Variants in CHST11 observed in about 807,000 individuals in gnomAD.
The protein encoded by CHST11 is C4S-1.
Under a neutral mutation model 30.4 loss-of-function variants are expected in CHST11, and 9 were observed. The ratio of observed to expected loss-of-function variants is 0.30; its 90% CI spans 0.18 to 0.52. The LOEUF is 0.52. Ranked by LOEUF, CHST11 falls within the 20% of genes least tolerant of loss-of-function variation. The pLI is 0.97. For missense variants in CHST11, 348 were observed against 460.6 expected, an observed-to-expected ratio of 0.76 and a Z score of 2.24; for synonymous variants, 152 against 187.8, an observed-to-expected ratio of 0.81 and a Z score of 1.56.
chr12:104,675,307 C>T (rs574155158), intron 2 of CHST11, among the ~76,000 whole-genome samples: 1 of 152,334 alleles, frequency 6.6e-6, no homozygotes, highest in East Asian at 1.9e-4. Context: ...TTCTGTTATG[C>T]TCACGTCTTG....
At chr12:104,475,658 T>TTATATATATATATATA (rs67453124) in intron 1 of CHST11, among the ~76,000 whole-genome samples, 832 of 33,250 alleles carry the variant, frequency 0.025, 79 homozygotes, top group East Asian at 0.036. Context: ...TAAAGCAGCA[T>TTATATATATATATATA]TATATATATA....
At position 104,507,689 on chromosome 12, in the gene CHST11, G is replaced by C. The variant is rs530239269; in HGVS notation, c.118+50160G>C. Among the ~76,000 whole-genome samples the C allele has an allele frequency of 2.6e-5, 4 of 152,292 alleles. No homozygotes were observed. In the South Asian group the frequency reaches 8.3e-4, roughly 32 times the overall value. Reference sequence around the variant, plus strand: ...TCATGTCTGGATGGCTTTGGCTGAGGGGAATGACTGAGATGATTTGTCTCA... The same window carrying C: ...TCATGTCTGGATGGCTTTGGCTGAGCGGAATGACTGAGATGATTTGTCTCA... On this transcript the variant is annotated intron_variant, in intron 1 of 2. Coordinates refer to ENST00000303694, the MANE Select transcript of CHST11 (RefSeq NM_018413.6).
intron 2 of CHST11, among the ~76,000 whole-genome samples, chr12:104,688,906 A>T (rs2039872273): frequency 6.6e-6 from 1 of 152,220 alleles, no homozygotes; most frequent in South Asian, 2.1e-4. Context: ...GGATGGCTTG[A>T]GCCCAGGAGT....
At chr12:104,470,347 G>A (rs2037496188) in intron 1 of CHST11, among the ~76,000 whole-genome samples, 1 of 152,192 alleles carries the variant, frequency 6.6e-6, no homozygotes, top group South Asian at 2.1e-4. Flanking sequence ...TCACAGGGCA[G>A]CAGGAGAGAG....
At chr12:104,649,093 GGA>G (rs2039466147) in intron 2 of CHST11, among the ~76,000 whole-genome samples, 1 of 152,106 alleles carries the variant, frequency 6.6e-6, no homozygotes, top group South Asian at 2.1e-4. Context: ...ATGTAGGATG[GGA>G]ATCAGCCTCA....
At chr12:104,622,449 G>A (rs1162656655) in intron 2 of CHST11, among the ~76,000 whole-genome samples, 1 of 152,062 alleles carries the variant, frequency 6.6e-6, no homozygotes, top group Non-Finnish European at 1.5e-5. Flanking sequence ...CAAAGTACCC[G>A]CATAGAGACT....
At chr12:104,660,091 C>T (rs1284713304) in intron 2 of CHST11, among the ~76,000 whole-genome samples, 3 of 152,142 alleles carry the variant, frequency 2.0e-5, no homozygotes, top group Non-Finnish European at 2.9e-5. Flanking sequence ...CTGTACTGGG[C>T]TAGACTAGAA....
chr12:104,566,273 C>CT (rs1279565115), intron 1 of CHST11, among the ~76,000 whole-genome samples: 1 of 152,152 alleles, frequency 6.6e-6, no homozygotes, highest in East Asian at 1.9e-4. Context: ...GTTCTTTCCC[C>CT]TAAGCCCTAT....
chr12:104,633,821 A>G (rs2136069548), intron 2 of CHST11, among the ~76,000 whole-genome samples: 1 of 152,190 alleles, frequency 6.6e-6, no homozygotes, highest in East Asian at 1.9e-4. Flanking sequence ...TACCTCTGCC[A>G]CATCTCAGAG....
intron 2 of CHST11, among the ~76,000 whole-genome samples, chr12:104,622,188 G>C (rs2039166428): frequency 6.6e-6 from 1 of 152,082 alleles, no homozygotes; most frequent in Admixed American, 6.6e-5. Flanking sequence ...ATTTATATCA[G>C]ATCACAGTTT....
chr12:104,671,212 T>C (rs2039693770), intron 2 of CHST11, among the ~76,000 whole-genome samples: 1 of 152,214 alleles, frequency 6.6e-6, no homozygotes, highest in Admixed American at 6.5e-5. Flanking sequence ...GCAAAGCCTC[T>C]TGTGATCTCC....
intron 1 of CHST11, among the ~76,000 whole-genome samples, chr12:104,530,089 G>A (rs2038167260): frequency 6.6e-6 from 1 of 152,274 alleles, no homozygotes; most frequent in African/African-American, 2.4e-5. Context: ...AAACCGGGAG[G>A]TGGAGGTTGC....
At chr12:104,587,461 G>A (rs974812357) in intron 1 of CHST11, among the ~76,000 whole-genome samples, 3 of 152,166 alleles carry the variant, frequency 2.0e-5, no homozygotes, top group Non-Finnish European at 4.4e-5. Flanking sequence ...GCAGTGGCAG[G>A]ATCATGGCTC....
intron 1 of CHST11, among the ~76,000 whole-genome samples, chr12:104,494,339 G>T (rs945743435): frequency 6.6e-6 from 1 of 152,150 alleles, no homozygotes; most frequent in African/African-American, 2.4e-5. Context: ...TCTATAGCCC[G>T]TCACTGCCTT....
chr12:104,543,589 C>T (rs1392422923), intron 1 of CHST11, among the ~76,000 whole-genome samples: 1 of 152,226 alleles, frequency 6.6e-6, no homozygotes, highest in Non-Finnish European at 1.5e-5. Context: ...GGCTCAGAGT[C>T]TTACAGGAGT....
At chr12:104,627,672 A>G (rs2136065168) in intron 2 of CHST11, among the ~76,000 whole-genome samples, 1 of 152,336 alleles carries the variant, frequency 6.6e-6, no homozygotes, top group South Asian at 2.1e-4. Context: ...CAAGTATTTG[A>G]CGGGCTTCTT....
At chr12:104,656,663 G>A (rs1344669432) in intron 2 of CHST11, among the ~76,000 whole-genome samples, 1 of 152,152 alleles carries the variant, frequency 6.6e-6, no homozygotes, top group South Asian at 2.1e-4. Context: ...AGCCCCTGCC[G>A]GCTTTGCTCA....
intron 2 of CHST11, among the ~76,000 whole-genome samples, chr12:104,714,748 G>A (rs1292902333): frequency 6.6e-6 from 1 of 152,162 alleles, no homozygotes; most frequent in Non-Finnish European, 1.5e-5. Context: ...GTGGGGTAGA[G>A]ATAAAAAGAC....
chr12:104,521,885 A>G (rs902240638), intron 1 of CHST11, among the ~76,000 whole-genome samples: 1 of 152,100 alleles, frequency 6.6e-6, no homozygotes, highest in Admixed American at 6.5e-5. Context: ...TGGCTGCTGA[A>G]TGGGTCACCC....
Sources: gnomAD v4.1 joint callset for allele counts (sites outside exome capture counted in the v4.1 genomes callset) on GRCh38, gnomAD v4.1.1 for gene constraint, MANE v1.5 for transcripts, NCBI Gene and HGNC (gene_info 2026-07-23, HGNC 2026-07-21) for gene names.